The following HAP1 variants were observed in gnomAD, a reference collection of about 807,000 sequenced individuals.
HAP1 encodes huntingtin-associated protein 1.
In HAP1, 59 loss-of-function variants were observed where a neutral mutation model predicts 60.3. That is an observed-to-expected ratio of 0.98 (90% CI 0.79 to 1.22). The LOEUF is 1.22. HAP1 is among the 50% of genes most tolerant of loss of function. The pLI, the probability that HAP1 is intolerant of heterozygous loss-of-function variation, is 0.00. For synonymous variants in HAP1, 346 were observed against 330.6 expected, an observed-to-expected ratio of 1.05 and a Z score of -0.50; for missense variants, 825 against 785.3, an observed-to-expected ratio of 1.05 and a Z score of -0.60.
chr17:41,727,932 C>T, intron 7 of HAP1, 96 bp from the exon 8 acceptor site: 2 of 778,294 alleles, frequency 2.6e-6, no homozygotes, highest in Non-Finnish European at 4.3e-6. Context: ...ATCAGTGAGT[C>T]CTTGGCAGCC....
chr17:41,732,286 C>T lies in HAP1; in HGVS notation c.658G>A (p.Val220Ile). The change falls in exon 3 of 11, where the codon GTT becomes ATT. Residue 220 changes from valine (V) to isoleucine (I), a missense_variant. Transcript: ENST00000347901. ...IGQSLVKQNS[V>I]LMEENSKLEA... The stretch of plus-strand genomic sequence containing the variant: ...AGCTTGCTGTTCTCCTCCATCAAAA[C>T]ACTGTTCTGTTTCACCAGGGACTGG... The T allele has an allele frequency of 1.2e-6, 2 of 1,614,150 alleles. No homozygotes were observed. The highest frequency in any genetic ancestry group is 8.5e-7 in the Non-Finnish European group (1 of 1,180,032).
chr17:41,731,781 T>C, intron 4 of HAP1, 38 bp from the exon 5 acceptor site: 1 of 1,477,228 alleles, frequency 6.8e-7, no homozygotes, highest in South Asian at 1.1e-5. Context: ...GTGCAGGGAG[T>C]GGGGCTTCCC....
At chr17:41,732,572 G>C in intron 2 of HAP1, 147 bp downstream of exon 2, 1 of 967,452 alleles carries the variant, frequency 1.0e-6, no homozygotes, top group South Asian at 1.4e-5. Context: ...CTTCCAGCCT[G>C]AACATCCCAC....
chr17:41,730,452 T>C (rs560782854), intron 6 of HAP1: 4 of 152,228 alleles, frequency 2.6e-5, no homozygotes, highest in African/African-American at 9.6e-5. Context: ...CAGAAGTTCC[T>C]GGTAGGGCGC....
rs1555591429 is a variant in HAP1, at chr17:41,732,714, C to T, written c.549+5G>A. ...GCTTGCCTGGATCAGGAAGGCAGTACACACCTCCTCCAGCAAATATAACAT... is the reference window on the plus strand; with the variant it reads ...GCTTGCCTGGATCAGGAAGGCAGTATACACCTCCTCCAGCAAATATAACAT... On this transcript the variant is annotated splice_donor_5th_base_variant and intron_variant, in intron 2 of 10. Coordinates refer to ENST00000347901, the MANE Select transcript of HAP1 (RefSeq NM_177977.3). 2 of 1,604,012 alleles carry T rather than the reference C, an allele frequency of 1.2e-6. No individual in the cohort carries two copies. The highest frequency in any genetic ancestry group is 3.3e-5 in the Admixed American group (2 of 59,994).
At chr17:41,727,176 A>AC in intron 8 of HAP1, 32 bp from the exon 9 acceptor site, 4 of 1,183,648 alleles carry the variant, frequency 3.4e-6, no homozygotes, top group Non-Finnish European at 3.8e-6. Context: ...TTACCAGAGG[A>AC]CCCCCACAGA....
In HAP1 at chr17:41,727,038, GC is replaced by G; in HGVS notation, c.1367+14del. 2.2e-6 allele frequency: 3 copies of G among 1,371,424 alleles called. No individual in the cohort carries two copies. The highest frequency in any genetic ancestry group is 3.1e-6 in the Non-Finnish European group (3 of 977,886). 85.0% of individuals were successfully genotyped at this position (1,371,424 alleles called of 1,614,324 possible). A position where few individuals can be genotyped will look rare whatever the true frequency, so the allele number is the denominator to read the frequency against. On this transcript the variant is annotated intron_variant, in intron 9 of 10. Coordinates refer to ENST00000347901, the MANE Select transcript of HAP1 (RefSeq NM_177977.3). ...GCCATGGCCTATGGGGCAAGGGAGG[GC>G]CCCAGCCACGCACCTCTCCATAAAA...
At position 41,725,823 on chromosome 17, in the gene HAP1, G is replaced by A. The variant is rs782164422; in HGVS notation, c.1406+36C>T. ...GTGGGCTGTCTGGCTGCTGAAAGCT[G>A]AGGGCAGGTTGTAGGGGAGCCCCTG... is the stretch of plus-strand genomic sequence containing the variant. On this transcript the variant is annotated intron_variant, in intron 10 of 10. Coordinates refer to ENST00000347901, the MANE Select transcript of HAP1 (RefSeq NM_177977.3). The A allele has an allele frequency of 6.4e-6, 10 of 1,571,082 alleles. No individual in the cohort carries two copies. The Admixed American group carries it at 1.5e-4, about 24-fold the overall frequency.
At chr17:41,729,953 C>A (rs1912013031) in intron 6 of HAP1, among the ~76,000 whole-genome samples, 1 of 134,684 alleles carries the variant, frequency 7.4e-6, no homozygotes, top group East Asian at 2.2e-4. Context: ...GCAGGAGAAT[C>A]ACTTGAACCC....
chr17:41,724,286 T>G lies in HAP1; in HGVS notation c.*415A>C. The G allele has an allele frequency of 5.9e-6, 1 of 169,782 alleles. No individual in the cohort carries two copies. Among genetic ancestry groups the G allele is most frequent in the Non-Finnish European group, 1.3e-5 (1 of 78,246 alleles). The allele number at this position is 169,782 out of a possible 1,614,324, so 10.5% of individuals were successfully genotyped here. A position where few individuals can be genotyped will look rare whatever the true frequency, so the allele number is the denominator to read the frequency against. ...CTCTTCCTCCCAGGCCGTGGGAGGG[T>G]GGCTGGCCCTGTCCTCCAGCCTGGG... On this transcript the variant is annotated 3_prime_UTR_variant, in exon 11 of 11. Transcript: ENST00000347901.
At chr17:41,731,445 C>A in intron 6 of HAP1, 48 bp downstream of exon 6, 1 of 1,310,040 alleles carries the variant, frequency 7.6e-7, no homozygotes, top group Non-Finnish European at 1.1e-6. Context: ...GAGTTCTTTT[C>A]TCTGCTCCTT....
intron 1 of HAP1, 124 bp from the exon 2 acceptor site, chr17:41,732,922 AGAC>A: frequency 1.5e-6 from 1 of 680,486 alleles, no homozygotes; most frequent in African/African-American, 1.7e-5. Flanking sequence ...TCGGGAGAGA[AGAC>A]TGGGCTCCCC....
rs1912197103 is a variant in HAP1, at chr17:41,731,550, G to A, written c.1012C>T (p.Leu338Phe). ...TGTTCCTCATCCTCAAGAGTGTCGA[G>A]TTGAGAGGCCTGGAGGGAGACAAAG... ...NHQLREEASQ[L>F]DTLEDEEQML... The change falls in exon 6 of 11, where the codon CTC becomes TTC. Residue 338 changes from leucine to phenylalanine, a missense_variant. Coordinates refer to ENST00000347901, the MANE Select transcript of HAP1 (RefSeq NM_177977.3). 4 of 1,612,254 alleles carry A rather than the reference G, an allele frequency of 2.5e-6. No homozygotes were observed. In the African/African-American group the frequency reaches 4.0e-5, roughly 16 times the overall value.
In HAP1 at chr17:41,732,291, T is replaced by C. The variant is rs1272162713; in HGVS notation, c.653A>G (p.Asn218Ser). The change falls in exon 3 of 11, where the codon AAC becomes AGC. Residue 218 changes from asparagine to serine, a missense_variant. Coordinates refer to ENST00000347901, the MANE Select transcript of HAP1 (RefSeq NM_177977.3). ...GCTGTTCTCCTCCATCAAAACACTG[T>C]TCTGTTTCACCAGGGACTGGCCGAT... ...ARIGQSLVKQ[N>S]SVLMEENSKL... The C allele has an allele frequency of 8.7e-6, 14 of 1,614,126 alleles. No individual in the cohort carries two copies. The highest frequency in any genetic ancestry group is 1.3e-5 in the African/African-American group (1 of 75,030).
At position 41,731,652 on chromosome 17, in the gene HAP1, G is replaced by T; in HGVS notation, c.988C>A (p.Gln330Lys). ...KLRLLEEENH[Q>K]LREEASQLDT... ...CCCATTCTCACCTCTTCTCTCAGCT[G>T]ATGATTCTCCTCCTCCAGCAGCCTC... Residue 330 changes from glutamine (Q) to lysine (K), a missense_variant, in exon 5 of 11, where the codon CAG (glutamine) becomes AAG (lysine). Transcript: ENST00000347901. 6.2e-7 allele frequency: 1 copy of T among 1,613,732 alleles called. No homozygotes were observed. The highest frequency in any genetic ancestry group is 1.1e-5 in the South Asian group (1 of 91,078).
chr17:41,721,569 T>C (rs991413787), downstream of HAP1: 3 of 194,248 alleles, frequency 1.5e-5, no homozygotes, highest in Admixed American at 1.6e-4. Context: ...GTCTGTCATT[T>C]TCTTTTCTCT....
chr17:41,718,179 C>T (rs1410356158), downstream of HAP1: 26 of 296,974 alleles, frequency 8.8e-5, no homozygotes, highest in Middle Eastern at 1.4e-3. Context: ...ACCCTGAACG[C>T]GCCCGATCTT....
chr17:41,731,599 CCCCCTG>C, intron 5 of HAP1, 33 bp downstream of exon 5: 1 of 1,596,756 alleles, frequency 6.3e-7, no homozygotes, highest in Non-Finnish European at 8.6e-7. Flanking sequence ...GAAGTCAACA[CCCCCTG>C]CTAGCAGGGA....
chr17:41,717,975 G>A (rs1449579685), downstream of HAP1: 14 of 469,630 alleles, frequency 3.0e-5, no homozygotes, highest in Non-Finnish European at 5.3e-5. Context: ...CCTGAGGGCT[G>A]TAGAGGAGGG....
Sources: allele counts gnomAD v4.1 joint callset (sites outside exome capture counted in the v4.1 genomes callset), GRCh38; gene constraint gnomAD v4.1.1; transcripts MANE v1.5; gene names NCBI Gene and HGNC (gene_info 2026-07-23, HGNC 2026-07-21).